The following SLC14A2 variants were observed in gnomAD, a reference collection of about 807,000 sequenced individuals.
SLC14A2 encodes the protein solute carrier family 14 member 2, also known as urea transporter 2.
Under a neutral mutation model 104.6 loss-of-function variants are expected in SLC14A2, and 91 were observed. The ratio of observed to expected loss-of-function variants is 0.87; its 90% CI spans 0.73 to 1.04. SLC14A2 has a LOEUF of 1.04. Ranked by LOEUF, SLC14A2 falls within the 50% of genes least tolerant of loss-of-function variation. The pLI, the probability that SLC14A2 is intolerant of heterozygous loss-of-function variation, is 0.00. For synonymous variants in SLC14A2, 476 were observed against 466.4 expected (o/e 1.02, Z -0.27); for missense variants, 1,189 against 1,156.0 (o/e 1.03, Z -0.41).
At chr18:45,475,696 A>T (rs2087365321) in intron 1 of SLC14A2, among the ~76,000 whole-genome samples, 3 of 98,778 alleles carry the variant, frequency 3.0e-5, no homozygotes, top group African/African-American at 8.1e-5. Flanking sequence ...TATGATAGTT[A>T]TCTCTTCTTG....
chr18:45,391,106 T>C (rs546774852), intron 1 of SLC14A2, among the ~76,000 whole-genome samples: 93 of 151,612 alleles, frequency 6.1e-4, no homozygotes, highest in African/African-American at 2.2e-3. Flanking sequence ...CAGGCCCTGG[T>C]GTGTGATGTT....
intron 1 of SLC14A2, among the ~76,000 whole-genome samples, chr18:45,455,972 G>A (rs553773773): frequency 4.2e-4 from 64 of 152,320 alleles, no homozygotes; most frequent in African/African-American, 1.5e-3. Flanking sequence ...GAAAGAGGAA[G>A]TCTTGTGAAT....
intron 5 of SLC14A2, among the ~76,000 whole-genome samples, chr18:45,636,372 T>C (rs1247974527): frequency 6.6e-6 from 1 of 152,150 alleles, no homozygotes; most frequent in Non-Finnish European, 1.5e-5. Flanking sequence ...TGCATAGGAG[T>C]GAGTCAGGAT....
At chr18:45,449,442 T>C (rs1409512943) in intron 1 of SLC14A2, among the ~76,000 whole-genome samples, 1 of 152,164 alleles carries the variant, frequency 6.6e-6, no homozygotes, top group Non-Finnish European at 1.5e-5. Context: ...CTTGGCATCC[T>C]TGGGTTACTC....
At chr18:45,227,239 G>A (rs886726956) in intron 1 of SLC14A2, among the ~76,000 whole-genome samples, 3 of 152,186 alleles carry the variant, frequency 2.0e-5, no homozygotes, top group African/African-American at 7.2e-5. Context: ...TGAAAGGACA[G>A]GAATGGCTTT....
chr18:45,274,752 C>T (rs2084685012), intron 1 of SLC14A2, among the ~76,000 whole-genome samples: 2 of 152,202 alleles, frequency 1.3e-5, no homozygotes, highest in Admixed American at 6.5e-5. Context: ...GGGAGTCTGG[C>T]CCACTTAATT....
chr18:45,645,415 G>T (rs1010387393), intron 10 of SLC14A2, among the ~76,000 whole-genome samples: 2 of 151,910 alleles, frequency 1.3e-5, no homozygotes, highest in Non-Finnish European at 2.9e-5. Flanking sequence ...TTCAGTTAAG[G>T]AAAGTACCTG....
chr18:45,624,286 C>T (rs2045223136), intron 1 of SLC14A2, among the ~76,000 whole-genome samples: 1 of 152,166 alleles, frequency 6.6e-6, no homozygotes, highest in African/African-American at 2.4e-5. Flanking sequence ...TCAAGGGGAA[C>T]ATACGTGTAC....
chr18:45,170,556 C>T, the SLC14A2 span, among the ~76,000 whole-genome samples: 1 of 152,144 alleles, frequency 6.6e-6, no homozygotes, highest in Non-Finnish European at 1.5e-5. Context: ...GTTCAGTGTC[C>T]TGCAAGACAG....
intron 2 of SLC14A2, among the ~76,000 whole-genome samples, chr18:45,557,853 A>G (rs986681806): frequency 6.6e-6 from 1 of 152,132 alleles, no homozygotes; most frequent in African/African-American, 2.4e-5. Context: ...GGCACTTAGG[A>G]GAGACCCTTC....
intron 1 of SLC14A2, among the ~76,000 whole-genome samples, chr18:45,407,686 G>A (rs547704699): frequency 7.2e-5 from 11 of 152,132 alleles, no homozygotes; most frequent in Non-Finnish European, 1.6e-4. Context: ...AATACTTAGA[G>A]GCCATTGTAG....
chr18:45,314,595 C>A (rs2085110377), intron 1 of SLC14A2, among the ~76,000 whole-genome samples: 1 of 152,230 alleles, frequency 6.6e-6, no homozygotes, highest in Non-Finnish European at 1.5e-5. Flanking sequence ...CCTCTCTCCA[C>A]TGCACCGATC....
chr18:45,316,246 C>T (rs1172308584), intron 1 of SLC14A2, among the ~76,000 whole-genome samples: 1 of 152,196 alleles, frequency 6.6e-6, no homozygotes, highest in Admixed American at 6.5e-5. Flanking sequence ...CTTCAGCTTT[C>T]CTTCCTGAGA....
At chr18:45,235,826 T>TACACAC (rs1164100396) in intron 1 of SLC14A2, among the ~76,000 whole-genome samples, 2 of 99,682 alleles carry the variant, frequency 2.0e-5, no homozygotes, top group African/African-American at 3.8e-5. Flanking sequence ...TATATATATA[T>TACACAC]ATATACGTGT....
intron 2 of SLC14A2, among the ~76,000 whole-genome samples, chr18:45,605,281 A>C (rs1599055043): frequency 6.6e-6 from 1 of 152,254 alleles, no homozygotes; most frequent in African/African-American, 2.4e-5. Context: ...AAAAGTTCTA[A>C]TATTTTCTAC....
intron 1 of SLC14A2, among the ~76,000 whole-genome samples, chr18:45,341,862 A>G (rs1021407276): frequency 3.9e-5 from 6 of 152,226 alleles, no homozygotes; most frequent in African/African-American, 1.2e-4. Flanking sequence ...TGCTGGGATT[A>G]CAGGCACGAG....
chr18:45,441,404 A>G (rs1404621335), intron 1 of SLC14A2, among the ~76,000 whole-genome samples: 1 of 152,158 alleles, frequency 6.6e-6, no homozygotes, highest in African/African-American at 2.4e-5. Flanking sequence ...CACCCAGTCA[A>G]AACCCTAAAA....
At chr18:45,652,308 T>A (rs1168244111) in intron 10 of SLC14A2, among the ~76,000 whole-genome samples, 9 of 152,166 alleles carry the variant, frequency 5.9e-5, no homozygotes, top group Admixed American at 3.3e-4. Context: ...GATGAAAGAA[T>A]ACACAGGGAG....
At chr18:45,475,655 A>AG (rs1568227950) in intron 1 of SLC14A2, among the ~76,000 whole-genome samples, 783 of 53,276 alleles carry the variant, frequency 0.015, 1 homozygote, top group Non-Finnish European at 0.021. Context: ...ATATATATAT[A>AG]TATATATATA....
Sources: allele counts gnomAD v4.1 joint callset (sites outside exome capture counted in the v4.1 genomes callset), GRCh38; gene constraint gnomAD v4.1.1; transcripts MANE v1.5; gene names NCBI Gene and HGNC (gene_info 2026-07-23, HGNC 2026-07-21).